Variants in RTN4RL1 observed in about 807,000 individuals in gnomAD.
RTN4RL1 encodes reticulon 4 receptor like 1.
A neutral mutation model predicts 25.6 loss-of-function variants in RTN4RL1; 7 were observed. That is an observed-to-expected ratio of 0.27 (90% confidence interval 0.16 to 0.51). The LOEUF is 0.51. Ranked by LOEUF, RTN4RL1 falls within the 20% of genes least tolerant of loss-of-function variation. The probability of loss-of-function intolerance (pLI) is 0.97; values close to 1 mark genes in which losing one functional copy is unlikely to be tolerated. For synonymous variants in RTN4RL1, 297 were observed against 288.2 expected (o/e 1.03, Z -0.31); for missense variants, 500 against 615.6 (o/e 0.81, Z 1.99).
Position 1,998,070 on chromosome 17 carries a change from C to T in RTN4RL1, c.13+26783G>A, listed in dbSNP as rs1268078739. The stretch of plus-strand genomic sequence containing the variant: ...CTCCGCCCCAGGCCGCGATCGATCC[C>T]GGCCTCTCCCGGCCTCATTACCGAG... On this transcript the variant is annotated intron_variant, in intron 1 of 1. Transcript: ENST00000331238. This position sits in a 1 kb window ranked among gnomAD's most constrained non-coding sequence, Gnocchi z 4.9. Among the ~76,000 whole-genome samples the T allele has an allele frequency of 1.3e-5, 2 of 152,138 alleles. No individual in the cohort carries two copies. Among genetic ancestry groups the T allele is most frequent in the African/African-American group, 4.8e-5 (2 of 41,448 alleles).
chr17:2,005,422 A>G (rs1215292091), intron 1 of RTN4RL1, among the ~76,000 whole-genome samples: 2 of 152,224 alleles, frequency 1.3e-5, no homozygotes, highest in African/African-American at 4.8e-5. Flanking sequence ...TAATTCCCAG[A>G]TTTCAACCTG....
chr17:1,945,752 G>A (rs1309110356), intron 1 of RTN4RL1, among the ~76,000 whole-genome samples: 1 of 152,210 alleles, frequency 6.6e-6, no homozygotes, highest in Non-Finnish European at 1.5e-5. Context: ...CTGAGTGTAT[G>A]TTGACTCCGT....
intron 1 of RTN4RL1, among the ~76,000 whole-genome samples, chr17:1,940,918 C>T (rs1915424978): frequency 6.6e-6 from 1 of 152,168 alleles, no homozygotes; most frequent in Non-Finnish European, 1.5e-5. Flanking sequence ...GGGGCCACAG[C>T]CAGGCCATTC....
At position 2,020,242 on chromosome 17, in the gene RTN4RL1, C is replaced by G. The variant is rs943497836; in HGVS notation, c.13+4611G>C. The G allele has an allele frequency of 3.9e-5, 6 of 152,136 alleles. No homozygotes were observed. The East Asian group carries it at 7.7e-4, about 20-fold the overall frequency. The allele number at this position is 152,136 out of a possible 1,614,324, so 9.4% of individuals were successfully genotyped here. A position where few individuals can be genotyped will look rare whatever the true frequency, so the allele number is the denominator to read the frequency against. ...CAGCTCAGCCTCCTTGATAAGGGTT[C>G]TTCTATCTCCCCTCTATACTTCCTC... On this transcript the variant is annotated intron_variant, in intron 1 of 1. Transcript: ENST00000331238.
At chr17:1,940,381 C>G (rs1915416135) in intron 1 of RTN4RL1, among the ~76,000 whole-genome samples, 1 of 152,218 alleles carries the variant, frequency 6.6e-6, no homozygotes, top group Admixed American at 6.5e-5. Context: ...CTGTCCCGCC[C>G]AGTGCACAGC....
At chr17:2,020,926 C>T (rs1006712288) in intron 1 of RTN4RL1, among the ~76,000 whole-genome samples, 7 of 152,230 alleles carry the variant, frequency 4.6e-5, no homozygotes, top group Non-Finnish European at 7.3e-5. Flanking sequence ...AGCGGGCCGC[C>T]CTTCCTTCCT....
intron 1 of RTN4RL1, among the ~76,000 whole-genome samples, chr17:1,996,667 C>T (rs368318876): frequency 6.6e-6 from 1 of 152,214 alleles, no homozygotes. Flanking sequence ...AAACAGCAGA[C>T]GCCTTTGATG....
At chr17:1,939,166 C>T (rs899133126) in intron 1 of RTN4RL1, among the ~76,000 whole-genome samples, 2 of 151,878 alleles carry the variant, frequency 1.3e-5, no homozygotes, top group African/African-American at 2.4e-5. Flanking sequence ...TCCTGGCTAA[C>T]ACGGCGAAAC....
chr17:1,949,643 T>G (rs138434776), intron 1 of RTN4RL1, among the ~76,000 whole-genome samples: 5 of 152,270 alleles, frequency 3.3e-5, no homozygotes, highest in Non-Finnish European at 7.4e-5. Context: ...CCCCACTCCT[T>G]CATTCACGAG....
intron 1 of RTN4RL1, among the ~76,000 whole-genome samples, chr17:1,973,122 G>C (rs2066827620): frequency 6.6e-6 from 1 of 152,172 alleles, no homozygotes; most frequent in Admixed American, 6.5e-5. Context: ...CAGCACTTTG[G>C]GACGCTGAGG....
At chr17:1,970,017 CTCTT>C (rs1215318436) in intron 1 of RTN4RL1, among the ~76,000 whole-genome samples, 3 of 56,592 alleles carry the variant, frequency 5.3e-5, no homozygotes, top group South Asian at 1.2e-3. Flanking sequence ...TGCTCTCTCT[CTCTT>C]TTTTTTTTTT....
rs1273115317 is a variant in RTN4RL1, at chr17:1,935,809, G to C, written c.*687C>G. ...AGTTAGTTATAAAACTGCACCTTCT[G>C]TGAGAACCTCATTGCCCGGGATGAA... On this transcript the variant is annotated 3_prime_UTR_variant, in exon 2 of 2. Coordinates refer to ENST00000331238, the MANE Select transcript of RTN4RL1 (RefSeq NM_178568.4). 1.0e-6 allele frequency: 1 copy of C among 982,186 alleles called. No individual in the cohort carries two copies. The highest frequency in any genetic ancestry group is 1.8e-5 in the African/African-American group (1 of 56,220). 60.8% of individuals were successfully genotyped at this position (982,186 alleles called of 1,614,324 possible).
intron 1 of RTN4RL1, among the ~76,000 whole-genome samples, chr17:1,971,795 T>C (rs2066820659): frequency 6.6e-6 from 1 of 151,796 alleles, no homozygotes; most frequent in Non-Finnish European, 1.5e-5. Context: ...ACCCCGTCTC[T>C]ACTAAAAATA....
chr17:1,968,002 C>A (rs1597500457), intron 1 of RTN4RL1, among the ~76,000 whole-genome samples: 2 of 152,150 alleles, frequency 1.3e-5, no homozygotes, highest in Admixed American at 1.3e-4. Flanking sequence ...CTCCCCCTCT[C>A]GGTTTCCTTG....
rs1235757846 is a variant in RTN4RL1, at chr17:2,025,155, C to T, written c.-290G>A. The T allele has an allele frequency of 1.4e-5, 4 of 296,128 alleles. No individual in the cohort carries two copies. In the Admixed American group the frequency reaches 1.5e-4, roughly 11 times the overall value. 18.3% of individuals were successfully genotyped at this position (296,128 alleles called of 1,614,324 possible). On this transcript the variant is annotated 5_prime_UTR_variant, in exon 1 of 2. Transcript: ENST00000331238. This position sits in a 1 kb window ranked among gnomAD's most constrained non-coding sequence, Gnocchi z 4.8. The stretch of plus-strand genomic sequence containing the variant: ...CGCGGAGCCGGCGGCCTGCTTCTGC[C>T]ACCCGGAGCACTTCGCAGGCGGTTT...
chr17:1,963,129 G>A (rs1238830278), intron 1 of RTN4RL1, among the ~76,000 whole-genome samples: 2 of 152,126 alleles, frequency 1.3e-5, no homozygotes, highest in Admixed American at 6.5e-5. Flanking sequence ...ATGGTCAGAG[G>A]AGGGTCCCCG....
At position 1,935,799 on chromosome 17, in the gene RTN4RL1, T is replaced by C; in HGVS notation, c.*697A>G. The C allele has an allele frequency of 1.0e-6, 1 of 976,200 alleles. No individual in the cohort carries two copies. The highest frequency in any genetic ancestry group is 1.2e-6 in the Non-Finnish European group (1 of 826,644). The allele number at this position is 976,200 out of a possible 1,614,324, so 60.5% of individuals were successfully genotyped here. On this transcript the variant is annotated 3_prime_UTR_variant, in exon 2 of 2. Coordinates refer to ENST00000331238, the MANE Select transcript of RTN4RL1 (RefSeq NM_178568.4). ...AAGTGGACGTAGTTAGTTATAAAAC[T>C]GCACCTTCTGTGAGAACCTCATTGC...
At chr17:2,008,209 C>T (rs1263309240) in intron 1 of RTN4RL1, among the ~76,000 whole-genome samples, 3 of 149,384 alleles carry the variant, frequency 2.0e-5, no homozygotes, top group South Asian at 2.2e-4. Flanking sequence ...GCAGAGGTTG[C>T]GGTGAGCCGA....
At chr17:2,010,076 T>A (rs1211124285) in intron 1 of RTN4RL1, among the ~76,000 whole-genome samples, 1 of 128,686 alleles carries the variant, frequency 7.8e-6, no homozygotes, top group Non-Finnish European at 1.6e-5. Context: ...AAGACTTCTC[T>A]GCCAATCTCC....
Sources: allele counts gnomAD v4.1 joint callset (sites outside exome capture counted in the v4.1 genomes callset), GRCh38; gene constraint gnomAD v4.1.1; non-coding constraint Gnocchi (gnomAD v3.1); transcripts MANE v1.5; gene names NCBI Gene and HGNC (gene_info 2026-07-23, HGNC 2026-07-21).